Variants in C8orf34 observed in about 807,000 individuals in gnomAD.
C8orf34 encodes the protein chromosome 8 open reading frame 34, also known as uncharacterized protein C8orf34.
A neutral mutation model predicts 68.3 loss-of-function variants in C8orf34; 65 were observed. The observed-to-expected ratio is 0.95, with a 90% CI of 0.78 to 1.17. The LOEUF is 1.17. Ranked by LOEUF, C8orf34 falls within the 50% of genes most tolerant of loss-of-function variation. C8orf34 has a pLI of 0.00. For missense variants in C8orf34, 664 were observed against 655.4 expected (o/e 1.01, Z -0.14); for synonymous variants, 244 against 241.2 (o/e 1.01, Z -0.11).
intron 7 of C8orf34, among the ~76,000 whole-genome samples, chr8:68,614,502 A>C (rs1563563046): frequency 6.6e-6 from 1 of 152,182 alleles, no homozygotes; most frequent in Non-Finnish European, 1.5e-5. Flanking sequence ...TCAGCTTTCT[A>C]CATACGGCTA....
At chr8:68,785,937 G>C (rs552019023) in intron 11 of C8orf34, among the ~76,000 whole-genome samples, 30 of 152,320 alleles carry the variant, frequency 2.0e-4, no homozygotes, top group African/African-American at 7.2e-4. Flanking sequence ...AGCCGTGGCA[G>C]ATAGAATATT....
chr8:68,342,755 T>C (rs1424659448), intron 1 of C8orf34, among the ~76,000 whole-genome samples: 1 of 152,122 alleles, frequency 6.6e-6, no homozygotes, highest in Non-Finnish European at 1.5e-5. Context: ...TTGACTCTTG[T>C]GGTATCTCAG....
intron 11 of C8orf34, among the ~76,000 whole-genome samples, chr8:68,784,259 C>T (rs970426430): frequency 1.3e-5 from 2 of 152,070 alleles, no homozygotes; most frequent in South Asian, 2.1e-4. Context: ...ATTGTTCCTC[C>T]GTTGATATTT....
At chr8:68,352,000 G>C (rs988279844) in intron 1 of C8orf34, among the ~76,000 whole-genome samples, 1 of 151,946 alleles carries the variant, frequency 6.6e-6, no homozygotes, top group Non-Finnish European at 1.5e-5. Flanking sequence ...ATCTTCTTTG[G>C]TGAGCTGTTT....
chr8:68,790,678 G>GA (rs1823969266), intron 12 of C8orf34: 1 of 436,430 alleles, frequency 2.3e-6, no homozygotes. Flanking sequence ...ATTCAAGTGT[G>GA]AAAAAACTTG....
At chr8:68,358,935 G>T (rs13261104) in intron 1 of C8orf34, among the ~76,000 whole-genome samples, 61,806 of 151,846 alleles carry the variant, frequency 0.41, 12,767 homozygotes, top group Non-Finnish European at 0.44. Flanking sequence ...CTGGCCTCAA[G>T]TGATCCACCC....
intron 5 of C8orf34, among the ~76,000 whole-genome samples, chr8:68,520,604 T>C (rs1236601821): frequency 1.1e-4 from 17 of 149,256 alleles, no homozygotes; most frequent in Admixed American, 1.1e-3. Flanking sequence ...GTGCCCGCCA[T>C]CACGCCCGGC....
Position 68,499,795 on chromosome 8 carries a change from T to C in C8orf34, c.765+11744T>C, listed in dbSNP as rs547321337. On this transcript the variant is annotated intron_variant, in intron 5 of 13. Transcript: ENST00000518698. ...AAAATCAACATCATGTGTCTTTTGA[T>C]GTGAAAAGAATATTGATATAGGATG... Among the ~76,000 whole-genome samples the C allele has an allele frequency of 1.1e-4, 16 of 152,288 alleles. No individual in the cohort carries two copies. In the South Asian group the frequency reaches 3.3e-3, roughly 32 times the overall value.
At chr8:68,598,260 T>C (rs937726606) in intron 7 of C8orf34, among the ~76,000 whole-genome samples, 1 of 152,148 alleles carries the variant, frequency 6.6e-6, no homozygotes, top group Admixed American at 6.6e-5. Context: ...CACTCTCCTT[T>C]GTAGTCAGCA....
intron 10 of C8orf34, among the ~76,000 whole-genome samples, chr8:68,770,091 T>C (rs977600211): frequency 4.6e-5 from 7 of 152,180 alleles, no homozygotes; most frequent in African/African-American, 1.7e-4. Context: ...AAACCAGTGA[T>C]GAGTAGGTCA....
chr8:68,331,518 G>A, intron 1 of C8orf34, 179 bp downstream of exon 1: 2 of 713,568 alleles, frequency 2.8e-6, no homozygotes, highest in Non-Finnish European at 4.8e-6. Context: ...GTCCTGGAAC[G>A]CGGCCGGGCG....
intron 10 of C8orf34, among the ~76,000 whole-genome samples, chr8:68,772,686 C>T (rs1216190332): frequency 1.4e-5 from 2 of 144,224 alleles, no homozygotes; most frequent in African/African-American, 2.6e-5. Flanking sequence ...TCTTTCTTTC[C>T]CTCCCTCCCT....
intron 8 of C8orf34, among the ~76,000 whole-genome samples, chr8:68,647,763 A>G (rs1819223099): frequency 6.6e-6 from 1 of 152,186 alleles, no homozygotes. Flanking sequence ...CTTTTTTTTC[A>G]TAAATATATC....
At chr8:68,510,242 G>A (rs1163775548) in intron 5 of C8orf34, among the ~76,000 whole-genome samples, 3 of 152,162 alleles carry the variant, frequency 2.0e-5, no homozygotes, top group Non-Finnish European at 4.4e-5. Context: ...CAAGGGAGAG[G>A]AAAGGATGTC....
intron 10 of C8orf34, among the ~76,000 whole-genome samples, chr8:68,757,983 T>G (rs1822914516): frequency 2.0e-5 from 3 of 152,340 alleles, no homozygotes; most frequent in Non-Finnish European, 4.4e-5. Context: ...TCACAATTGT[T>G]CCAGATTCTC....
intron 1 of C8orf34, among the ~76,000 whole-genome samples, chr8:68,388,750 G>A (rs978361863): frequency 5.3e-5 from 8 of 152,264 alleles, no homozygotes; most frequent in African/African-American, 1.7e-4. Flanking sequence ...TCAAAGCCAT[G>A]TTATAGAGGG....
At chr8:68,744,124 AC>A (rs1219003475) in intron 10 of C8orf34, among the ~76,000 whole-genome samples, 19 of 152,200 alleles carry the variant, frequency 1.2e-4, no homozygotes, top group African/African-American at 4.1e-4. Flanking sequence ...GCAGGGGCAG[AC>A]TGACACCTCA....
intron 7 of C8orf34, among the ~76,000 whole-genome samples, chr8:68,545,806 GT>G (rs889173278): frequency 3.3e-5 from 5 of 152,078 alleles, no homozygotes; most frequent in Admixed American, 2.6e-4. Context: ...AGCTGAAATG[GT>G]GAATATGTAA....
chr8:68,653,080 T>A (rs1819410041), intron 8 of C8orf34, among the ~76,000 whole-genome samples: 1 of 152,212 alleles, frequency 6.6e-6, no homozygotes, highest in Non-Finnish European at 1.5e-5. Context: ...TATTTATTTG[T>A]TTTCAAGTCA....
Sources: gnomAD v4.1 joint callset for allele counts (sites outside exome capture counted in the v4.1 genomes callset) on GRCh38, gnomAD v4.1.1 for gene constraint, MANE v1.5 for transcripts, NCBI Gene and HGNC (gene_info 2026-07-23, HGNC 2026-07-21) for gene names.